Variants in PNLIP observed in about 807,000 individuals in gnomAD.
PNLIP encodes the protein pancreatic triacylglycerol lipase.
In PNLIP, 49 loss-of-function variants were observed where a neutral mutation model predicts 57.1. The ratio of observed to expected loss-of-function variants is 0.86; its 90% CI spans 0.68 to 1.09. The LOEUF is 1.09. PNLIP is among the 50% of genes least tolerant of loss of function. The probability of loss-of-function intolerance (pLI) is 0.00; values close to 1 mark genes in which losing one functional copy is unlikely to be tolerated. For missense variants in PNLIP, 503 were observed against 570.2 expected, an observed-to-expected ratio of 0.88 and a Z score of 1.20; for synonymous variants, 209 against 200.4, an observed-to-expected ratio of 1.04 and a Z score of -0.36.
intron 5 of PNLIP, 56 bp downstream of exon 5, chr10:116,551,288 T>G: frequency 1.4e-5 from 12 of 848,522 alleles, no homozygotes; most frequent in South Asian, 4.2e-5. Context: ...AGATTATCTT[T>G]CCAAAAAAAA....
intron 10 of PNLIP, 58 bp downstream of exon 10, chr10:116,559,341 C>A: frequency 1.5e-6 from 2 of 1,327,092 alleles, no homozygotes; most frequent in Non-Finnish European, 2.1e-6. Context: ...ATTATTATGT[C>A]CACTGAAAAT....
intron 10 of PNLIP, 140 bp from the exon 11 acceptor site, chr10:116,560,276 T>TACACACACACAC (rs71301597): frequency 5.2e-4 from 220 of 425,200 alleles, no homozygotes; most frequent in African/African-American, 4.3e-3. Context: ...ATTAGAAAAT[T>TACACACACACAC]ACACACACAC....
At chr10:116,550,772 A>G (rs1428783029) in intron 4 of PNLIP, among the ~76,000 whole-genome samples, 1 of 152,208 alleles carries the variant, frequency 6.6e-6, no homozygotes, top group Non-Finnish European at 1.5e-5. Flanking sequence ...GTCTTATGGC[A>G]TTTAGGATGA....
intron 4 of PNLIP, among the ~76,000 whole-genome samples, chr10:116,549,630 C>T (rs1035123484): frequency 5.3e-5 from 8 of 152,174 alleles, no homozygotes; most frequent in African/African-American, 1.9e-4. Context: ...GTACACTCCG[C>T]AAGTTTAAAC....
At chr10:116,558,872 G>T (rs1471697377) in intron 9 of PNLIP, among the ~76,000 whole-genome samples, 1 of 152,110 alleles carries the variant, frequency 6.6e-6, no homozygotes, top group Non-Finnish European at 1.5e-5. Flanking sequence ...TGATCCACCT[G>T]CCTCAGCCTC....
rs143934423 is a variant in PNLIP at position 116,559,264 on chromosome 10, T to C, written c.1041T>C (p.Gly347=). 2 of 1,613,160 alleles carry C rather than the reference T, an allele frequency of 1.2e-6. No individual in the cohort carries two copies. The highest frequency in any genetic ancestry group is 1.3e-5 in the African/African-American group (1 of 74,902). ...GCCAGAAATTTTATCTAGACACTGG[T>C]GATGCCAGTAATTTTGCACGTAAGT... ...DVGQKFYLDT[G]DASNFARWRY... Residue 347 remains glycine, a synonymous_variant, in exon 10 of 13, where the codon GGT becomes GGC. Transcript: ENST00000369221.
In PNLIP at chr10:116,556,051, C is replaced by T. The variant is rs900527022; in HGVS notation, c.863C>T (p.Thr288Ile). Residue 288 changes from threonine (T) to isoleucine (I), a missense_variant, in exon 9 of 13, where the codon ACT becomes ATT. Coordinates refer to ENST00000369221, the MANE Select transcript of PNLIP (RefSeq NM_000936.4). ...CNHLRSYKYY[T>I]DSIVNPDGFA... ...CACTTAAGAAGCTACAAATATTACACTGATAGCATCGTCAACCCTGATGGC... is the reference window on the plus strand; with the variant it reads ...CACTTAAGAAGCTACAAATATTACATTGATAGCATCGTCAACCCTGATGGC... The T allele has an allele frequency of 8.1e-6, 13 of 1,613,902 alleles. No homozygotes were observed. The highest frequency in any genetic ancestry group is 1.0e-5 in the Non-Finnish European group (12 of 1,179,896).
intron 10 of PNLIP, among the ~76,000 whole-genome samples, chr10:116,559,876 G>A (rs953486297): frequency 1.3e-5 from 2 of 152,058 alleles, no homozygotes; most frequent in Non-Finnish European, 2.9e-5. Flanking sequence ...ATCTCTAAAT[G>A]GCAAACTATT....
At chr10:116,547,206 C>A in intron 2 of PNLIP, 88 bp from the exon 3 acceptor site, 1 of 1,276,358 alleles carries the variant, frequency 7.8e-7, no homozygotes, top group Non-Finnish European at 1.1e-6. Flanking sequence ...GAAAGTCTAC[C>A]ACACAGTGTA....
At chr10:116,550,053 CTT>C (rs1176488381) in intron 4 of PNLIP, among the ~76,000 whole-genome samples, 1,769 of 98,588 alleles carry the variant, frequency 0.018, 1 homozygote, top group Non-Finnish European at 0.024. Context: ...TTCTCAAATT[CTT>C]TTTTTTTTTT....
At position 116,556,069 on chromosome 10, in the gene PNLIP, C is replaced by T. The variant is rs1197843337; in HGVS notation, c.881C>T (p.Pro294Leu). The change falls in exon 9 of 13, where the codon CCT (proline) becomes CTT (leucine). Residue 294 changes from proline to leucine, a missense_variant. Coordinates refer to ENST00000369221, the MANE Select transcript of PNLIP (RefSeq NM_000936.4). ...TATTACACTGATAGCATCGTCAACCCTGATGGCTTTGCTGGATTCCCCTGT... is the reference window on the plus strand; with the variant it reads ...TATTACACTGATAGCATCGTCAACCTTGATGGCTTTGCTGGATTCCCCTGT... ...YKYYTDSIVNPDGFAGFPCAS... is the reference protein window; with the variant it reads ...YKYYTDSIVNLDGFAGFPCAS... The T allele has an allele frequency of 2.7e-5, 44 of 1,613,798 alleles. No individual in the cohort carries two copies. Among genetic ancestry groups the T allele is most frequent in the Non-Finnish European group, 3.5e-5 (41 of 1,179,816 alleles).
Position 116,546,061 on chromosome 10 carries a change from C to T in PNLIP, c.1-32C>T, listed in dbSNP as rs1554859433. The T allele has an allele frequency of 1.9e-6, 3 of 1,607,778 alleles. No individual in the cohort carries two copies. The South Asian group carries it at 3.3e-5, about 18-fold the overall frequency. On this transcript the variant is annotated intron_variant, in intron 1 of 12. Transcript: ENST00000369221. The stretch of plus-strand genomic sequence containing the variant: ...ACTTGCCGATCTTTTAAAAACTTAG[C>T]CAGACTCAATCATGTTTTTAATTTC...
At chr10:116,566,647 A>G (rs1847370273) in intron 12 of PNLIP, among the ~76,000 whole-genome samples, 1 of 152,170 alleles carries the variant, frequency 6.6e-6, no homozygotes, top group African/African-American at 2.4e-5. Context: ...TTTTATGGAT[A>G]ATTAATTAAG....
At chr10:116,553,897 A>C in intron 6 of PNLIP, 59 bp downstream of exon 6, 1 of 1,001,846 alleles carries the variant, frequency 1.0e-6, no homozygotes. Flanking sequence ...TCTTGAGGCC[A>C]GCAGTTTGAG....
chr10:116,546,945 G>A (rs1217532313), intron 2 of PNLIP, among the ~76,000 whole-genome samples: 1 of 152,150 alleles, frequency 6.6e-6, no homozygotes, highest in Non-Finnish European at 1.5e-5. Context: ...CTAAACAGTG[G>A]CTACAAGAAG....
chr10:116,553,694 G>A (rs768094400), intron 5 of PNLIP, 33 bp from the exon 6 acceptor site: 1 of 1,390,282 alleles, frequency 7.2e-7, no homozygotes, highest in East Asian at 2.3e-5. Context: ...GACTGCACTT[G>A]AAAACATTCT....
intron 3 of PNLIP, among the ~76,000 whole-genome samples, chr10:116,547,704 C>T (rs991596637): frequency 4.8e-4 from 62 of 128,720 alleles, no homozygotes; most frequent in African/African-American, 1.2e-3. Flanking sequence ...CCAGCCTGGG[C>T]GACACAGTGA....
intron 8 of PNLIP, 114 bp downstream of exon 8, chr10:116,555,621 G>A: frequency 4.2e-6 from 5 of 1,194,676 alleles, no homozygotes; most frequent in Non-Finnish European, 4.7e-6. Context: ...CATAACAAAA[G>A]ACTTTTAATT....
At chr10:116,559,335 T>C (rs1214767694) in intron 10 of PNLIP, 52 bp downstream of exon 10, 2 of 1,353,150 alleles carry the variant, frequency 1.5e-6, no homozygotes, top group Admixed American at 3.8e-5. Context: ...TATTTTATTA[T>C]TATGTCCACT....
Sources: allele counts gnomAD v4.1 joint callset (sites outside exome capture counted in the v4.1 genomes callset), GRCh38; gene constraint gnomAD v4.1.1; transcripts MANE v1.5; gene names NCBI Gene and HGNC (gene_info 2026-07-23, HGNC 2026-07-21).